DIAPH3: variants seen among roughly 807,000 people sequenced by gnomAD.
DIAPH3 encodes diaphanous related formin 3, also known as protein diaphanous homolog 3.
In DIAPH3, 117 loss-of-function variants were observed where a neutral mutation model predicts 144.3. The observed-to-expected ratio is 0.81, with a 90% CI of 0.70 to 0.95. The LOEUF (loss-of-function observed/expected upper bound fraction) is 0.95. Among genes scored for constraint, DIAPH3 ranks in the 40% least tolerant of loss-of-function variants. DIAPH3 has a pLI of 0.00. For synonymous variants in DIAPH3, 519 were observed against 488.9 expected (o/e 1.06, Z -0.81); for missense variants, 1,421 against 1,412.7 (o/e 1.01, Z -0.09).
At chr13:59,893,831 G>A (rs988750063) in intron 20 of DIAPH3, among the ~76,000 whole-genome samples, 3 of 151,934 alleles carry the variant, frequency 2.0e-5, no homozygotes, top group South Asian at 2.1e-4. Flanking sequence ...TAATCTATGC[G>A]ATTTTACAAT....
intron 22 of DIAPH3, among the ~76,000 whole-genome samples, chr13:59,845,186 T>C (rs2042565032): frequency 6.6e-6 from 1 of 151,814 alleles, no homozygotes; most frequent in Non-Finnish European, 1.5e-5. Context: ...GCTAGGATTA[T>C]AGGCATAAAC....
chr13:60,100,619 A>T (rs550625751), intron 3 of DIAPH3, among the ~76,000 whole-genome samples: 4 of 152,288 alleles, frequency 2.6e-5, no homozygotes, highest in African/African-American at 9.6e-5. Context: ...AGTTTGGTGA[A>T]AGGTATACAA....
intron 25 of DIAPH3, among the ~76,000 whole-genome samples, chr13:59,793,428 A>G (rs2039426370): frequency 6.6e-6 from 1 of 152,090 alleles, no homozygotes; most frequent in Non-Finnish European, 1.5e-5. Flanking sequence ...CTCATCTCCC[A>G]TATTCATTCA....
chr13:60,022,517 A>C (rs1170154556), intron 5 of DIAPH3, among the ~76,000 whole-genome samples: 6 of 152,220 alleles, frequency 3.9e-5, no homozygotes, highest in Admixed American at 3.3e-4. Flanking sequence ...GTTCAAAATC[A>C]AAGTGTCAGC....
chr13:59,858,083 A>C (rs2043357166), intron 22 of DIAPH3, among the ~76,000 whole-genome samples: 1 of 152,138 alleles, frequency 6.6e-6, no homozygotes, highest in African/African-American at 2.4e-5. Flanking sequence ...AGAAGTGTGG[A>C]TCTTAGAAGG....
In DIAPH3 at chr13:60,031,916, G is replaced by C. The variant is rs993072810; in HGVS notation, c.626+10774C>G. ...AGGCCACCATGCCCAGCTAATTTTT[G>C]TATTTTTAGTAGAGGCGGGGTTTCA... is the stretch of plus-strand genomic sequence containing the variant. On this transcript the variant is annotated intron_variant, in intron 5 of 27. Transcript: ENST00000400324. Among the ~76,000 whole-genome samples the C allele has an allele frequency of 4.6e-5, 7 of 151,984 alleles. No homozygotes were observed. The South Asian group carries it at 1.5e-3, about 32-fold the overall frequency.
At chr13:60,128,784 T>G (rs1164948972) in intron 2 of DIAPH3, among the ~76,000 whole-genome samples, 1 of 152,134 alleles carries the variant, frequency 6.6e-6, no homozygotes, top group Non-Finnish European at 1.5e-5. Flanking sequence ...TACCTTTTTT[T>G]TTTTTTTAAG....
chr13:59,915,213 T>C (rs937862262), intron 19 of DIAPH3, among the ~76,000 whole-genome samples: 1 of 151,560 alleles, frequency 6.6e-6, no homozygotes, highest in African/African-American at 2.4e-5. Context: ...AAAAACAAAC[T>C]GAAAGAGAAA....
chr13:59,784,851 GCACACA>G (rs144477527), intron 25 of DIAPH3, among the ~76,000 whole-genome samples: 1 of 148,590 alleles, frequency 6.7e-6, no homozygotes, highest in African/African-American at 2.5e-5. Context: ...ACACACGCGC[GCACACA>G]CACACACACA....
At chr13:60,148,026 CA>C (rs1951614846) in intron 1 of DIAPH3, among the ~76,000 whole-genome samples, 1 of 152,032 alleles carries the variant, frequency 6.6e-6, no homozygotes, top group African/African-American at 2.4e-5. Flanking sequence ...AGAGAAGAGG[CA>C]AGTGCTATAA....
chr13:59,997,294 C>CA (rs1293200889), intron 9 of DIAPH3, among the ~76,000 whole-genome samples: 1 of 152,050 alleles, frequency 6.6e-6, no homozygotes, highest in African/African-American at 2.4e-5. Context: ...TAAGTGAGAA[C>CA]ATGTGATATT....
chr13:59,767,870 C>A (rs751068540), intron 27 of DIAPH3, among the ~76,000 whole-genome samples: 1 of 152,178 alleles, frequency 6.6e-6, no homozygotes, highest in Non-Finnish European at 1.5e-5. Flanking sequence ...GAAGTCTTCA[C>A]TACTTGAGAC....
At chr13:60,094,943 T>C (rs1404179967) in intron 3 of DIAPH3, among the ~76,000 whole-genome samples, 3 of 152,338 alleles carry the variant, frequency 2.0e-5, no homozygotes, top group African/African-American at 7.2e-5. Flanking sequence ...TTGTTTTGTT[T>C]CGTTTTTTTC....
At chr13:59,831,887 T>C (rs2041799258) in intron 24 of DIAPH3, among the ~76,000 whole-genome samples, 1 of 151,984 alleles carries the variant, frequency 6.6e-6, no homozygotes, top group Non-Finnish European at 1.5e-5. Context: ...ATTAAATATA[T>C]ATTATCTCAT....
At chr13:59,831,499 C>A (rs995717781) in intron 24 of DIAPH3, among the ~76,000 whole-genome samples, 1 of 151,844 alleles carries the variant, frequency 6.6e-6, no homozygotes, top group Non-Finnish European at 1.5e-5. Context: ...ACCTGGGAAG[C>A]TTCTGTGAGT....
chr13:59,682,093 C>G (rs758278185), intron 27 of DIAPH3, among the ~76,000 whole-genome samples: 2 of 152,124 alleles, frequency 1.3e-5, no homozygotes, highest in South Asian at 2.1e-4. Flanking sequence ...ACTGTCCATA[C>G]TTATCTTTGC....
intron 5 of DIAPH3, among the ~76,000 whole-genome samples, chr13:60,035,665 C>T (rs1178554763): frequency 6.6e-6 from 1 of 152,076 alleles, no homozygotes; most frequent in Non-Finnish European, 1.5e-5. Flanking sequence ...TTGTCATAAA[C>T]ATTACAAACT....
At chr13:59,898,433 G>C (rs1399889124) in intron 20 of DIAPH3, among the ~76,000 whole-genome samples, 1 of 152,010 alleles carries the variant, frequency 6.6e-6, no homozygotes, top group Non-Finnish European at 1.5e-5. Flanking sequence ...ACAGTTGAAG[G>C]TTTCTGGAAT....
At chr13:59,668,722 G>A (rs564409519) in intron 27 of DIAPH3, among the ~76,000 whole-genome samples, 10 of 152,078 alleles carry the variant, frequency 6.6e-5, no homozygotes, top group East Asian at 1.9e-4. Context: ...TTTCTTGAAC[G>A]AAACCAAGAA....
Sources: allele counts gnomAD v4.1 joint callset (sites outside exome capture counted in the v4.1 genomes callset), GRCh38; gene constraint gnomAD v4.1.1; transcripts MANE v1.5; gene names NCBI Gene and HGNC (gene_info 2026-07-23, HGNC 2026-07-21).